DHPS: variants seen among roughly 807,000 people sequenced by gnomAD.
The protein encoded by DHPS is migration-inducing gene 13.
Under a neutral mutation model 38.7 loss-of-function variants are expected in DHPS, and 24 were observed. The ratio of observed to expected loss-of-function variants is 0.62; its 90% CI spans 0.45 to 0.87. The LOEUF (loss-of-function observed/expected upper bound fraction) is 0.87. Among genes scored for constraint, DHPS ranks in the 40% least tolerant of loss-of-function variants. DHPS has a pLI of 0.00. For synonymous variants in DHPS, 250 were observed against 204.4 expected (o/e 1.22, Z -1.90); for missense variants, 510 against 497.6 (o/e 1.02, Z -0.24).
chr19:12,680,449 A>C, intron 1 of DHPS, 124 bp from the exon 2 acceptor site: 1 of 961,056 alleles, frequency 1.0e-6, no homozygotes, highest in Non-Finnish European at 1.6e-6. Context: ...GACCAGTTCT[A>C]CAGGGGACCA....
chr19:12,674,194 GCCGA>G (rs1303510520), downstream of DHPS, among the ~76,000 whole-genome samples: 3 of 152,224 alleles, frequency 2.0e-5, no homozygotes, highest in Non-Finnish European at 4.4e-5. Flanking sequence ...GCAAGGGGGA[GCCGA>G]CGGCCATGTC....
rs935399847 is a variant in DHPS at position 12,681,079 on chromosome 19, G to T, written c.207+481C>A. On this transcript the variant is annotated intron_variant, in intron 1 of 8. Coordinates refer to ENST00000210060, the MANE Select transcript of DHPS (RefSeq NM_001930.4). Reference sequence around the variant, plus strand: ...GAACTCCTCTTCTCTTGATCCACCCGCCTCGGCTTCCCAAAATGCTGGGAT... The same window carrying T: ...GAACTCCTCTTCTCTTGATCCACCCTCCTCGGCTTCCCAAAATGCTGGGAT... 2.4e-5 allele frequency: 29 copies of T among 1,221,532 alleles called. No homozygotes were observed. In the East Asian group the frequency reaches 1.5e-3, roughly 64 times the overall value. The allele number at this position is 1,221,532 out of a possible 1,614,324, so 75.7% of individuals were successfully genotyped here.
In DHPS at chr19:12,676,333, G is replaced by A. The variant is rs111806312; in HGVS notation, c.889-191C>T. ...AGAGCTGCTGGGCAACGATGGCTGT[G>A]TTTCCCCAGACCCAACAGCCAGGTG... On this transcript the variant is annotated intron_variant, in intron 7 of 8. Transcript: ENST00000210060. 9,308 of 720,504 alleles carry A rather than the reference G, an allele frequency of 0.013. 672 individuals are homozygous for A. The African/African-American group carries it at 0.15, about 12-fold the overall frequency. 44.6% of individuals were successfully genotyped at this position (720,504 alleles called of 1,614,324 possible).
intron 1 of DHPS, 55 bp downstream of exon 1, chr19:12,681,505 T>C: frequency 6.3e-7 from 1 of 1,595,242 alleles, no homozygotes; most frequent in Non-Finnish European, 8.6e-7. Flanking sequence ...TAGTACCGCG[T>C]TGGTTCTACA....
chr19:12,677,385 A>G lies in DHPS; in HGVS notation c.690T>C (p.Pro230=), dbSNP rs758656990. ...CGTCTGTAAGTGCGGGACTAAACAC[A>G]GGGATGTGGTTCTGCAGAGAACATG... The part of the protein sequence containing the change: ...VYYWAQKNHI[P]VFSPALTDGS... The change falls in exon 6 of 9, where the codon CCT becomes CCC. Residue 230 remains proline (P), a synonymous_variant. Transcript: ENST00000210060. The G allele has an allele frequency of 6.8e-6, 11 of 1,613,720 alleles. No homozygotes were observed. In the South Asian group the frequency reaches 1.1e-4, roughly 16 times the overall value.
At position 12,679,863 on chromosome 19, in the gene DHPS, C is replaced by A. The variant is rs776689877; in HGVS notation, c.432G>T (p.Ala144=). ...GGCTAAACTCGCCCAAGTATGTGGG[C>A]GCCAGGCACTTGATGAGGTCTTCCT... is the stretch of plus-strand genomic sequence containing the variant. ...GVEEDLIKCL[A]PTYLGEFSLR... The change falls in exon 3 of 9, where the codon GCG becomes GCT. Residue 144 remains alanine, a synonymous_variant. Coordinates refer to ENST00000210060, the MANE Select transcript of DHPS (RefSeq NM_001930.4). 1.2e-6 allele frequency: 2 copies of A among 1,614,020 alleles called. No homozygotes were observed. The highest frequency in any genetic ancestry group is 1.7e-6 in the Non-Finnish European group (2 of 1,180,030).
chr19:12,677,445 C>T (rs777019316), intron 5 of DHPS, 49 bp from the exon 6 acceptor site: 2 of 1,507,632 alleles, frequency 1.3e-6, no homozygotes, highest in Non-Finnish European at 1.8e-6. Flanking sequence ...GCCTCGTCTC[C>T]ATGCTGGCTA....
chr19:12,679,976 C>T (rs2024744580), intron 2 of DHPS, 54 bp from the exon 3 acceptor site: 3 of 1,579,910 alleles, frequency 1.9e-6, no homozygotes, highest in African/African-American at 1.4e-5. Flanking sequence ...TGCCCTCATT[C>T]TGGGCAGAAC....
chr19:12,681,350 TTACCG>T (rs1168402755), intron 1 of DHPS: 2 of 1,007,006 alleles, frequency 2.0e-6, no homozygotes, highest in Admixed American at 5.9e-5. Flanking sequence ...CCTCCTCAGG[TTACCG>T]TACCAGCATG....
At chr19:12,672,743 C>A (rs922048474), downstream of DHPS, 7 of 1,194,156 alleles carry the variant, frequency 5.9e-6, no homozygotes, top group Non-Finnish European at 8.5e-6. Flanking sequence ...GAATTCCACT[C>A]CTGTGCACTG....
intron 1 of DHPS, chr19:12,681,109 G>A (rs1249709766): frequency 4.7e-6 from 6 of 1,277,092 alleles, no homozygotes; most frequent in Admixed American, 2.4e-5. Flanking sequence ...TGGGATTATA[G>A]GCATGCGCCA....
chr19:12,673,310 G>C, downstream of DHPS: 1 of 1,613,568 alleles, frequency 6.2e-7, no homozygotes, highest in Non-Finnish European at 8.5e-7. Flanking sequence ...TCTGGGACCT[G>C]GTGGAGGTGA....
chr19:12,675,251 AC>A (rs1157463505), downstream of DHPS, among the ~76,000 whole-genome samples: 1 of 152,138 alleles, frequency 6.6e-6, no homozygotes, highest in East Asian at 1.9e-4. Context: ...ACATGGTAAG[AC>A]CCCATCTCTG....
downstream of DHPS, chr19:12,675,696 C>T (rs1292777886): frequency 1.3e-6 from 2 of 1,598,044 alleles, no homozygotes; most frequent in Non-Finnish European, 1.7e-6. Context: ...ACCAACAGGA[C>T]CAAGGACCGA....
downstream of DHPS, chr19:12,672,602 C>CT (rs987621473): frequency 4.8e-5 from 26 of 538,424 alleles, no homozygotes; most frequent in African/African-American, 7.6e-5. Context: ...GAGCAAAACT[C>CT]TGTCTCAAAC....
chr19:12,672,987 C>T, downstream of DHPS: 8 of 1,607,704 alleles, frequency 5.0e-6, no homozygotes, highest in Non-Finnish European at 6.8e-6. Context: ...CCCTCACTCA[C>T]CTACCCACCC....
chr19:12,672,687 T>G, downstream of DHPS: 1 of 683,614 alleles, frequency 1.5e-6, no homozygotes, highest in Non-Finnish European at 2.6e-6. Context: ...AATGATGGAG[T>G]AGGACGTAAT....
chr19:12,680,129 A>G, intron 2 of DHPS, 32 bp downstream of exon 2: 1 of 1,611,206 alleles, frequency 6.2e-7, no homozygotes, highest in Non-Finnish European at 8.5e-7. Context: ...ATTGACCCAG[A>G]GGCCAAGGCC....
chr19:12,677,046 C>G, intron 7 of DHPS, 62 bp downstream of exon 7: 1 of 1,498,942 alleles, frequency 6.7e-7, no homozygotes, highest in Non-Finnish European at 9.3e-7. Flanking sequence ...CTACCCAGCA[C>G]ATGGCATAGG....
Sources: gnomAD v4.1 joint callset for allele counts (sites outside exome capture counted in the v4.1 genomes callset) on GRCh38, gnomAD v4.1.1 for gene constraint, MANE v1.5 for transcripts, NCBI Gene and HGNC (gene_info 2026-07-23, HGNC 2026-07-21) for gene names.